RBM4: variants seen among roughly 807,000 people sequenced by gnomAD.
RBM4 encodes the protein RNA-binding protein 4.
A neutral mutation model predicts 29.5 loss-of-function variants in RBM4; 7 were observed. The ratio of observed to expected loss-of-function variants is 0.24; its 90% CI spans 0.14 to 0.45. RBM4 has a LOEUF of 0.45. Ranked by LOEUF, RBM4 falls within the 20% of genes least tolerant of loss-of-function variation. The pLI is 1.00. For missense variants in RBM4, 387 were observed against 502.3 expected, an observed-to-expected ratio of 0.77 and a Z score of 2.19; for synonymous variants, 220 against 205.4, an observed-to-expected ratio of 1.07 and a Z score of -0.61.
In RBM4 at chr11:66,646,392, T is replaced by G. The variant is rs1938694486; in HGVS notation, c.*374T>G. ...GAGAGTCTCACTGCTCCAGGGTCTC[T>G]TTTTGGTCCAAAGGCTAGACCTATA... On this transcript the variant is annotated 3_prime_UTR_variant, in exon 4 of 4. Coordinates refer to ENST00000310092, the MANE Select transcript of RBM4 (RefSeq NM_002896.4). 1 of 1,134,712 alleles carries G rather than the reference T, an allele frequency of 8.8e-7. No individual in the cohort carries two copies. The highest frequency in any genetic ancestry group is 4.4e-5 in the Admixed American group (1 of 22,816). 70.3% of individuals were successfully genotyped at this position (1,134,712 alleles called of 1,614,324 possible).
intron 2 of RBM4, among the ~76,000 whole-genome samples, chr11:66,658,756 G>A (rs1398656889): frequency 7.9e-5 from 12 of 152,050 alleles, no homozygotes; most frequent in Non-Finnish European, 4.4e-5. Flanking sequence ...GGCCAAGGTG[G>A]TGAAACCCCA....
chr11:66,649,996 C>G (rs1938790424), downstream of RBM4: 1 of 508,022 alleles, frequency 2.0e-6, no homozygotes, highest in African/African-American at 2.0e-5. Context: ...TAGGTACTCC[C>G]TGATTACCTG....
At chr11:66,662,287 G>A (rs1939098297) in intron 2 of RBM4, among the ~76,000 whole-genome samples, 1 of 152,302 alleles carries the variant, frequency 6.6e-6, no homozygotes, top group African/African-American at 2.4e-5. Context: ...GGACAGCACA[G>A]ATATGGAACA....
chr11:66,641,170 TAAAA>T lies in RBM4; in HGVS notation c.412+1051_412+1054del, dbSNP rs770925518. The stretch of plus-strand genomic sequence containing the variant: ...AGGACTGAACAAAAATAATAAAAAA[TAAAA>T]AAAGCCTTATTCAAATTATGGAGTA... On this transcript the variant is annotated intron_variant, in intron 2 of 3. Transcript: ENST00000310092. The T allele has an allele frequency of 8.5e-5, 13 of 152,144 alleles. No individual in the cohort carries two copies. In the East Asian group the frequency reaches 1.5e-3, roughly 18 times the overall value. The allele number at this position is 152,144 out of a possible 1,614,324, so 9.4% of individuals were successfully genotyped here.
rs1938694223 is a variant in RBM4 at position 66,646,388 on chromosome 11, T to C, written c.*370T>C. 6 of 1,143,868 alleles carry C rather than the reference T, an allele frequency of 5.2e-6. No homozygotes were observed. Among genetic ancestry groups the C allele is most frequent in the Non-Finnish European group, 5.4e-6 (5 of 927,550 alleles). The allele number at this position is 1,143,868 out of a possible 1,614,324, so 70.9% of individuals were successfully genotyped here. A position where few individuals can be genotyped will look rare whatever the true frequency, so the allele number is the denominator to read the frequency against. ...TGGTGAGAGTCTCACTGCTCCAGGG[T>C]CTCTTTTTGGTCCAAAGGCTAGACC... On this transcript the variant is annotated 3_prime_UTR_variant, in exon 4 of 4. Transcript: ENST00000310092.
chr11:66,641,502 G>T (rs1196073405), intron 2 of RBM4, among the ~76,000 whole-genome samples: 2 of 152,190 alleles, frequency 1.3e-5, no homozygotes, highest in Admixed American at 1.3e-4. Context: ...GAGAGCAAAG[G>T]TTGCTCTTGT....
At chr11:66,649,435 C>G (rs1441318983), downstream of RBM4, among the ~76,000 whole-genome samples, 1 of 152,202 alleles carries the variant, frequency 6.6e-6, no homozygotes, top group Non-Finnish European at 1.5e-5. Flanking sequence ...GTTCCAGCTA[C>G]TAAGAGGCTG....
At chr11:66,645,892 G>GAT (rs1196490153) in intron 3 of RBM4, 135 bp from the exon 4 acceptor site, 93 of 1,453,930 alleles carry the variant, frequency 6.4e-5, no homozygotes, top group Non-Finnish European at 8.2e-5. Context: ...AGATTACTGT[G>GAT]ATACTGGGGG....
Position 66,660,031 on chromosome 11 carries a change from T to C in RBM4, c.413-5825T>C, listed in dbSNP as rs116932593. On this transcript the variant is annotated intron_variant, in intron 2 of 2. Transcript: ENST00000396053. ...GTGCCTTTCCTCTGTCACACTTTAT[T>C]ATCTCAGGCCCTTTTCCCTGCTTAT... is the stretch of plus-strand genomic sequence containing the variant. 8.5e-3 allele frequency among the ~76,000 whole-genome samples: 1,287 copies of C among 152,226 alleles called. 6 individuals are homozygous for C. The highest frequency in any genetic ancestry group is 0.031 in the Middle Eastern group (9 of 294).
chr11:66,646,360 C>A lies in RBM4; in HGVS notation c.*342C>A, dbSNP rs990124606. 3 of 1,223,098 alleles carry A rather than the reference C, an allele frequency of 2.5e-6. No homozygotes were observed. The highest frequency in any genetic ancestry group is 4.9e-5 in the South Asian group (2 of 40,768). 75.8% of individuals were successfully genotyped at this position (1,223,098 alleles called of 1,614,324 possible). A position where few individuals can be genotyped will look rare whatever the true frequency, so the allele number is the denominator to read the frequency against. Reference sequence around the variant, plus strand: ...CTGCGGCTGTTGGATTTGGGAATGACCTTGGTGAGAGTCTCACTGCTCCAG... The same window carrying A: ...CTGCGGCTGTTGGATTTGGGAATGAACTTGGTGAGAGTCTCACTGCTCCAG... On this transcript the variant is annotated 3_prime_UTR_variant, in exon 4 of 4. Transcript: ENST00000310092.
intron 3 of RBM4, among the ~76,000 whole-genome samples, chr11:66,645,278 A>T (rs1938642362): frequency 6.6e-6 from 1 of 152,176 alleles, no homozygotes; most frequent in Non-Finnish European, 1.5e-5. Flanking sequence ...GTTGTACTTA[A>T]GGGTAAATCT....
chr11:66,644,155 G>A lies in RBM4; in HGVS notation c.*8+15G>A. The A allele has an allele frequency of 6.3e-7, 1 of 1,595,274 alleles. No homozygotes were observed. Among genetic ancestry groups the A allele is most frequent in the South Asian group, 1.1e-5 (1 of 88,188 alleles). On this transcript the variant is annotated intron_variant, in intron 3 of 3. Coordinates refer to ENST00000310092, the MANE Select transcript of RBM4 (RefSeq NM_002896.4). Reference sequence around the variant, plus strand: ...TAAAGCTTGAGGTGAGAGGGGTGGGGTGTTCCCTCTTCTGGTTTTGCCATC... The same window carrying A: ...TAAAGCTTGAGGTGAGAGGGGTGGGATGTTCCCTCTTCTGGTTTTGCCATC...
chr11:66,666,467 G>A, exon 3 of RBM4: 7 of 986,350 alleles, frequency 7.1e-6, no homozygotes, highest in Non-Finnish European at 8.4e-6. Context: ...CCAACTCAGG[G>A]TTATTCAGTC....
intron 2 of RBM4, among the ~76,000 whole-genome samples, chr11:66,659,631 C>CT (rs1939036033): frequency 6.6e-6 from 1 of 152,084 alleles, no homozygotes; most frequent in African/African-American, 2.4e-5. Flanking sequence ...GCTCCTGAGA[C>CT]TCCCCACTCT....
Position 66,640,018 on chromosome 11 carries a change from C to T in RBM4, c.307C>T (p.Pro103Ser). Residue 103 changes from proline (P) to serine (S), a missense_variant, in exon 2 of 4, where the codon CCG becomes TCG. Transcript: ENST00000310092. ...ELRAKFEEYGPVIECDIVKDY... is the reference protein window; with the variant it reads ...ELRAKFEEYGSVIECDIVKDY... ...TCGAGCCAAGTTTGAGGAGTATGGT[C>T]CGGTCATCGAATGTGACATCGTGAA... 1 of 1,614,142 alleles carries T rather than the reference C, an allele frequency of 6.2e-7. No individual in the cohort carries two copies. The highest frequency in any genetic ancestry group is 8.5e-7 in the Non-Finnish European group (1 of 1,180,034).
chr11:66,661,876 G>A (rs1189250368), intron 2 of RBM4, among the ~76,000 whole-genome samples: 1 of 151,946 alleles, frequency 6.6e-6, no homozygotes, highest in Non-Finnish European at 1.5e-5. Flanking sequence ...CTAAAAATAC[G>A]AAAATTCACC....
rs765920221 is a variant in RBM4 at position 66,646,384 on chromosome 11, A to G, written c.*366A>G. The G allele has an allele frequency of 3.6e-5, 41 of 1,154,730 alleles. No homozygotes were observed. Among genetic ancestry groups the G allele is most frequent in the Non-Finnish European group, 4.3e-5 (40 of 934,048 alleles). 71.5% of individuals were successfully genotyped at this position (1,154,730 alleles called of 1,614,324 possible). A position where few individuals can be genotyped will look rare whatever the true frequency, so the allele number is the denominator to read the frequency against. On this transcript the variant is annotated 3_prime_UTR_variant, in exon 4 of 4. Transcript: ENST00000310092. ...ACCTTGGTGAGAGTCTCACTGCTCC[A>G]GGGTCTCTTTTTGGTCCAAAGGCTA...
intron 2 of RBM4, among the ~76,000 whole-genome samples, chr11:66,658,057 C>T (rs1203249633): frequency 6.8e-6 from 1 of 147,462 alleles, no homozygotes; most frequent in African/African-American, 2.5e-5. Flanking sequence ...TGGAGTTTTG[C>T]TCTTGTTGCC....
Position 66,646,117 on chromosome 11 carries a change from T to C in RBM4, c.*99T>C, listed in dbSNP as rs965444704. ...CCCATCTCCGGGACGTTCTCGGCTC[T>C]GTGCGTTCAGTCCCTCAGGAACCGT... On this transcript the variant is annotated 3_prime_UTR_variant, in exon 4 of 4. Transcript: ENST00000310092. The C allele has an allele frequency of 9.8e-6, 15 of 1,534,828 alleles. No homozygotes were observed. In the East Asian group the frequency reaches 3.2e-4, roughly 33 times the overall value.
Sources: allele counts gnomAD v4.1 joint callset (sites outside exome capture counted in the v4.1 genomes callset), GRCh38; gene constraint gnomAD v4.1.1; transcripts MANE v1.5; gene names NCBI Gene and HGNC (gene_info 2026-07-23, HGNC 2026-07-21).